Variants in SMG7 observed in about 807,000 individuals in gnomAD.
SMG7 encodes the protein nonsense-mediated mRNA decay factor SMG7.
SMG7 carries 34 observed loss-of-function variants against 148.2 expected under a neutral mutation model. The observed-to-expected ratio is 0.23, with a 90% confidence interval of 0.17 to 0.31. The LOEUF (loss-of-function observed/expected upper bound fraction) is 0.31. SMG7 is among the 10% of genes least tolerant of loss of function. The pLI is 1.00. For missense variants in SMG7, 1,114 were observed against 1,408.4 expected (o/e 0.79, Z 3.35); for synonymous variants, 492 against 515.1 (o/e 0.96, Z 0.61).
chr1:183,499,282 G>A (rs1250414822), intron 1 of SMG7, among the ~76,000 whole-genome samples: 1 of 152,118 alleles, frequency 6.6e-6, no homozygotes, highest in Non-Finnish European at 1.5e-5. Context: ...TAAATACCTA[G>A]AGTCATATGG....
intron 12 of SMG7, 70 bp from the exon 13 acceptor site, chr1:183,540,914 G>A (rs1458783130): frequency 1.5e-5 from 22 of 1,493,790 alleles, no homozygotes; most frequent in Non-Finnish European, 2.0e-5. Context: ...AGTTAATCAG[G>A]TGAACTTGGT....
chr1:183,526,686 C>T lies in SMG7; in HGVS notation c.403C>T (p.His135Tyr). The change falls in exon 5 of 23, where the codon CAT becomes TAT. Residue 135 changes from histidine to tyrosine, a missense_variant. By Grantham distance (83) the His-to-Tyr change is moderately conservative (BLOSUM62 2). Coordinates refer to ENST00000688051, the MANE Select transcript of SMG7 (RefSeq NM_001375584.1). The part of the protein sequence containing the change: ...QLGIISNKQT[H>Y]TSAIVKPQSS... ...GGGAATTATCAGCAATAAACAGACGCATACCAGCGCCATAGTGAAGCCACA... is the reference window on the plus strand; with the variant it reads ...GGGAATTATCAGCAATAAACAGACGTATACCAGCGCCATAGTGAAGCCACA... 1 of 1,613,740 alleles carries T rather than the reference C, an allele frequency of 6.2e-7. No homozygotes were observed. The highest frequency in any genetic ancestry group is 8.5e-7 in the Non-Finnish European group (1 of 1,179,764).
At chr1:183,525,436 G>C (rs998966919) in intron 4 of SMG7, among the ~76,000 whole-genome samples, 1 of 152,162 alleles carries the variant, frequency 6.6e-6, no homozygotes, top group African/African-American at 2.4e-5. Flanking sequence ...ATGGATTAAG[G>C]AGTAAATAGA....
chr1:183,510,498 G>A (rs1008303296), intron 1 of SMG7, among the ~76,000 whole-genome samples: 3 of 151,988 alleles, frequency 2.0e-5, no homozygotes, highest in Non-Finnish European at 4.4e-5. Context: ...TACATTTTAC[G>A]ACTAAGTGTG....
intron 1 of SMG7, among the ~76,000 whole-genome samples, chr1:183,507,214 TTG>T (rs1661132220): frequency 6.6e-6 from 1 of 152,186 alleles, no homozygotes; most frequent in African/African-American, 2.4e-5. Context: ...TATCCTGTAT[TTG>T]TTACCTAGCA....
At chr1:183,487,859 A>G (rs1203784436) in intron 1 of SMG7, among the ~76,000 whole-genome samples, 1 of 152,254 alleles carries the variant, frequency 6.6e-6, no homozygotes, top group Non-Finnish European at 1.5e-5. Context: ...GGATTTCTCA[A>G]AAATAGGAAG....
chr1:183,490,692 TTATTTTAAATGTA>T (rs1410384958), intron 1 of SMG7, among the ~76,000 whole-genome samples: 1 of 152,176 alleles, frequency 6.6e-6, no homozygotes, highest in African/African-American at 2.4e-5. Context: ...TAAAATATAT[TTATTTTAAATGTA>T]TAGTTAAGAA....
chr1:183,525,888 A>G (rs1337815507), intron 4 of SMG7, among the ~76,000 whole-genome samples: 2 of 152,180 alleles, frequency 1.3e-5, no homozygotes, highest in African/African-American at 4.8e-5. Flanking sequence ...CTAAAGTCTG[A>G]CAAATACCTT....
intron 1 of SMG7, among the ~76,000 whole-genome samples, chr1:183,509,133 G>C (rs1661599844): frequency 6.6e-6 from 1 of 152,134 alleles, no homozygotes; most frequent in Admixed American, 6.6e-5. Context: ...ACATGGAAAT[G>C]AATGTGTGTG....
At chr1:183,481,713 A>C (rs573164389) in intron 1 of SMG7, among the ~76,000 whole-genome samples, 1 of 152,320 alleles carries the variant, frequency 6.6e-6, no homozygotes, top group African/African-American at 2.4e-5. Flanking sequence ...TAGTAAATAC[A>C]GTGTGAAATG....
chr1:183,530,567 C>G (rs1296040179), intron 8 of SMG7, among the ~76,000 whole-genome samples: 1 of 152,100 alleles, frequency 6.6e-6, no homozygotes, highest in Non-Finnish European at 1.5e-5. Context: ...AAAGAACAAA[C>G]AAGTCTAAAT....
At chr1:183,544,230 A>G (rs111690775) in intron 14 of SMG7, 123 bp from the exon 15 acceptor site, 4 of 659,884 alleles carry the variant, frequency 6.1e-6, no homozygotes, top group African/African-American at 3.6e-5. Context: ...GTGAATTTAA[A>G]TATCTTCAGC....
At chr1:183,544,697 C>G (rs1669588371) in intron 15 of SMG7, among the ~76,000 whole-genome samples, 200 bp downstream of exon 15, 1 of 152,000 alleles carries the variant, frequency 6.6e-6, no homozygotes, top group South Asian at 2.1e-4. Flanking sequence ...TGAAGGAAAT[C>G]CTATCACTAA....
At chr1:183,545,574 A>G (rs1481846771) in intron 16 of SMG7, among the ~76,000 whole-genome samples, 1 of 152,192 alleles carries the variant, frequency 6.6e-6, no homozygotes, top group Non-Finnish European at 1.5e-5. Context: ...TTTTCTGCAA[A>G]TAATTCTCCT....
At chr1:183,516,506 G>A (rs192423137) in intron 3 of SMG7, among the ~76,000 whole-genome samples, 3 of 152,118 alleles carry the variant, frequency 2.0e-5, no homozygotes, top group Admixed American at 2.0e-4. Flanking sequence ...AGACTTTTCC[G>A]CTTCTTCTTT....
rs371763376 is a variant in SMG7 at position 183,537,199 on chromosome 1, C to T, written c.1218C>T (p.Asp406=). The part of the protein sequence containing the change: ...LLNSFHPHEE[D]LSSISATPLP... ...ATAGTTTCCATCCCCATGAAGAGGA[C>T]CTCTCAAGTATTAGTGGTAAGGGCT... The change falls in exon 11 of 23, where the codon GAC becomes GAT. Residue 406 remains aspartate (D), a synonymous_variant. Coordinates refer to ENST00000688051, the MANE Select transcript of SMG7 (RefSeq NM_001375584.1). 1 of 1,611,560 alleles carries T rather than the reference C, an allele frequency of 6.2e-7. No homozygotes were observed. The highest frequency in any genetic ancestry group is 8.5e-7 in the Non-Finnish European group (1 of 1,177,914).
rs1671232071 is a variant in SMG7 at position 183,552,538 on chromosome 1, G to C, written c.*607G>C. ...ACAGGATGGGGAACCGACCTCTTCA[G>C]CCAGTGGAAATGTTCCATAAGGGAG... On this transcript the variant is annotated 3_prime_UTR_variant, in exon 23 of 23. Coordinates refer to ENST00000688051, the MANE Select transcript of SMG7 (RefSeq NM_001375584.1). 4 of 1,002,754 alleles carry C rather than the reference G, an allele frequency of 4.0e-6. No homozygotes were observed. Among genetic ancestry groups the C allele is most frequent in the Non-Finnish European group, 3.6e-6 (3 of 839,760 alleles). The allele number at this position is 1,002,754 out of a possible 1,614,324, so 62.1% of individuals were successfully genotyped here.
At chr1:183,549,665 AAAGCTTAAGGTGTACC>A in intron 19 of SMG7, 83 bp from the exon 20 acceptor site, 3 of 899,158 alleles carry the variant, frequency 3.3e-6, no homozygotes, top group Non-Finnish European at 5.2e-6. Flanking sequence ...CTTCCTAAGA[AAAGCTTAAGGTGTACC>A]AAGCATCCAT....
intron 1 of SMG7, among the ~76,000 whole-genome samples, chr1:183,476,414 A>G (rs1652197366): frequency 6.6e-6 from 1 of 152,190 alleles, no homozygotes; most frequent in South Asian, 2.1e-4. Context: ...AATTTGTTAG[A>G]GTAAATGAGC....
Sources: allele counts gnomAD v4.1 joint callset (sites outside exome capture counted in the v4.1 genomes callset), GRCh38; gene constraint gnomAD v4.1.1; transcripts MANE v1.5; gene names NCBI Gene and HGNC (gene_info 2026-07-23, HGNC 2026-07-21).